Variants in EDIL3 observed in about 807,000 individuals in gnomAD.
The protein encoded by EDIL3 is EGF-like repeat and discoidin I-like domain-containing protein 3.
A neutral mutation model predicts 67.4 loss-of-function variants in EDIL3; 37 were observed. The ratio of observed to expected loss-of-function variants is 0.55; its 90% CI spans 0.42 to 0.72. The LOEUF is 0.72. Ranked by LOEUF, EDIL3 falls within the 30% of genes least tolerant of loss-of-function variation. EDIL3 has a pLI of 0.00. For synonymous variants in EDIL3, 195 were observed against 196.3 expected (o/e 0.99, Z 0.05); for missense variants, 527 against 586.3 (o/e 0.90, Z 1.04).
chr5:84,213,474 CCAATCTGTA>C (rs1442436013), intron 3 of EDIL3, among the ~76,000 whole-genome samples: 1 of 152,130 alleles, frequency 6.6e-6, no homozygotes, highest in Non-Finnish European at 1.5e-5. Flanking sequence ...AAAACCATGG[CCAATCTGTA>C]CAGTGGTTTT....
intron 3 of EDIL3, among the ~76,000 whole-genome samples, chr5:84,185,737 G>T (rs929840793): frequency 1.4e-4 from 21 of 151,896 alleles, no homozygotes; most frequent in African/African-American, 4.1e-4. Flanking sequence ...AATGTGTTTT[G>T]TCTCTAATAT....
chr5:84,224,268 G>A (rs1415583182), intron 3 of EDIL3, among the ~76,000 whole-genome samples: 1 of 151,388 alleles, frequency 6.6e-6, no homozygotes. Flanking sequence ...AGGAATGAAT[G>A]AATGATTTCC....
At chr5:84,032,150 C>T (rs1350856356) in intron 9 of EDIL3, among the ~76,000 whole-genome samples, 1 of 152,162 alleles carries the variant, frequency 6.6e-6, no homozygotes, top group Non-Finnish European at 1.5e-5. Flanking sequence ...AGGATCACTC[C>T]AGTAAGATCA....
At chr5:83,993,662 C>CTTCTTAAATTCTAAACCGGT (rs1294130906) in intron 9 of EDIL3, among the ~76,000 whole-genome samples, 1 of 152,136 alleles carries the variant, frequency 6.6e-6, no homozygotes, top group Non-Finnish European at 1.5e-5. Flanking sequence ...ACAAGATACC[C>CTTCTTAAATTCTAAACCGGT]TTCTTAAATT....
chr5:84,353,784 T>A (rs1747413507), intron 1 of EDIL3, among the ~76,000 whole-genome samples: 1 of 152,188 alleles, frequency 6.6e-6, no homozygotes, highest in African/African-American at 2.4e-5. Context: ...TGCTCTTAAT[T>A]CTTTGTCATT....
At chr5:83,952,889 C>T (rs1017384037) in intron 10 of EDIL3, among the ~76,000 whole-genome samples, 1 of 151,790 alleles carries the variant, frequency 6.6e-6, no homozygotes, top group South Asian at 2.1e-4. Flanking sequence ...GACTTAATAT[C>T]GAGCTCTATG....
At chr5:83,967,345 A>G (rs898868120) in intron 9 of EDIL3, among the ~76,000 whole-genome samples, 6 of 152,088 alleles carry the variant, frequency 3.9e-5, no homozygotes, top group Non-Finnish European at 1.5e-5. Context: ...AAATAAAACA[A>G]CAAATTTTAT....
At chr5:84,160,265 T>C (rs538713044) in intron 4 of EDIL3, among the ~76,000 whole-genome samples, 265 of 152,230 alleles carry the variant, frequency 1.7e-3, no homozygotes, top group Non-Finnish European at 3.4e-3. Flanking sequence ...TTATTTTCTT[T>C]CCACTTCTCA....
intron 9 of EDIL3, among the ~76,000 whole-genome samples, chr5:84,044,360 T>A (rs1746183843): frequency 6.6e-6 from 1 of 152,098 alleles, no homozygotes; most frequent in South Asian, 2.1e-4. Context: ...GATATAGAAT[T>A]TACAAAATGT....
chr5:84,041,620 G>T (rs530406813), intron 9 of EDIL3, among the ~76,000 whole-genome samples: 1 of 145,450 alleles, frequency 6.9e-6, no homozygotes, highest in East Asian at 2.0e-4. Flanking sequence ...ACATATATAT[G>T]CACACACACA....
At chr5:84,378,109 A>C (rs2112220726) in intron 1 of EDIL3, among the ~76,000 whole-genome samples, 1 of 152,336 alleles carries the variant, frequency 6.6e-6, no homozygotes, top group South Asian at 2.1e-4. Flanking sequence ...TAGAAGAAAA[A>C]TAATTTTAAA....
chr5:84,315,210 G>C (rs1256042640), intron 1 of EDIL3, among the ~76,000 whole-genome samples: 1 of 152,128 alleles, frequency 6.6e-6, no homozygotes, highest in Non-Finnish European at 1.5e-5. Context: ...TTGCTGCTTA[G>C]CTTATGTATA....
chr5:84,027,711 C>T (rs1745841294), intron 9 of EDIL3, among the ~76,000 whole-genome samples: 1 of 151,858 alleles, frequency 6.6e-6, no homozygotes, highest in African/African-American at 2.4e-5. Flanking sequence ...ACAGGATAGA[C>T]AGCAGGGAGT....
chr5:84,329,577 G>A lies in EDIL3; in HGVS notation c.67+54731C>T, dbSNP rs557572865. ...CGTTAGTCTGTTGAATATACCACCT[G>A]TTGTGTATACTGTTTATCTCTGTTA... On this transcript the variant is annotated intron_variant, in intron 1 of 10. Coordinates refer to ENST00000296591, the MANE Select transcript of EDIL3 (RefSeq NM_005711.5). 3.9e-5 allele frequency among the ~76,000 whole-genome samples: 6 copies of A among 152,090 alleles called. No individual in the cohort carries two copies. The East Asian group carries it at 9.7e-4, about 24-fold the overall frequency.
chr5:84,315,288 T>C (rs1418945134), intron 1 of EDIL3, among the ~76,000 whole-genome samples: 1 of 152,206 alleles, frequency 6.6e-6, no homozygotes, highest in Admixed American at 6.5e-5. Context: ...TATAATCATA[T>C]CAGTTTAGAA....
At chr5:84,235,143 G>T (rs1580390662) in intron 2 of EDIL3, among the ~76,000 whole-genome samples, 1 of 152,232 alleles carries the variant, frequency 6.6e-6, no homozygotes, top group East Asian at 1.9e-4. Flanking sequence ...TTTATTATTT[G>T]TTTATCTGTT....
chr5:84,152,828 T>G (rs913297544), intron 4 of EDIL3, among the ~76,000 whole-genome samples: 1 of 152,192 alleles, frequency 6.6e-6, no homozygotes, highest in African/African-American at 2.4e-5. Flanking sequence ...TGCAATATTT[T>G]AAATATTTTT....
chr5:84,182,270 TACACACACACACAC>T (rs71607704), intron 3 of EDIL3, among the ~76,000 whole-genome samples: 19 of 142,020 alleles, frequency 1.3e-4, no homozygotes, highest in Middle Eastern at 3.5e-3. Flanking sequence ...CTACAAAAAA[TACACACACACACAC>T]ACACACACAC....
chr5:84,384,415 G>A lies in EDIL3; in HGVS notation c.-41C>T, dbSNP rs1440228067. ...ACGTGACCCCGGCTGGTCAGGGGTC[G>A]TCGCGGAGGGCAGTGTAGCCGAGGT... is the stretch of plus-strand genomic sequence containing the variant. On this transcript the variant is annotated 5_prime_UTR_variant, in exon 1 of 11. The change creates a new upstream start codon in the 5' untranslated region. Coordinates refer to ENST00000296591, the MANE Select transcript of EDIL3 (RefSeq NM_005711.5). 3 of 1,607,318 alleles carry A rather than the reference G, an allele frequency of 1.9e-6. No homozygotes were observed. Among genetic ancestry groups the A allele is most frequent in the Non-Finnish European group, 2.6e-6 (3 of 1,175,534 alleles).
Sources: gnomAD v4.1 joint callset for allele counts (sites outside exome capture counted in the v4.1 genomes callset) on GRCh38, gnomAD v4.1.1 for gene constraint, MANE v1.5 for transcripts, NCBI Gene and HGNC (gene_info 2026-07-23, HGNC 2026-07-21) for gene names.